Variants in RPRD1A observed in about 807,000 individuals in gnomAD.
The protein encoded by RPRD1A is regulation of nuclear pre-mRNA domain containing 1A.
In RPRD1A, 9 loss-of-function variants were observed where a neutral mutation model predicts 37.8. That is an observed-to-expected ratio of 0.24 (90% CI 0.14 to 0.42). The LOEUF (loss-of-function observed/expected upper bound fraction) is 0.42, where lower values mean the gene tolerates loss of function less well. Among genes scored for constraint, RPRD1A ranks in the 10% least tolerant of loss-of-function variants. RPRD1A has a pLI of 1.00. For synonymous variants in RPRD1A, 138 were observed against 139.7 expected, an observed-to-expected ratio of 0.99 and a Z score of 0.08; for missense variants, 255 against 371.0, an observed-to-expected ratio of 0.69 and a Z score of 2.57.
In RPRD1A at chr18:36,058,582, C is replaced by T. The variant is rs373194678; in HGVS notation, c.151+8672G>A. ...AACCTAAATAAAATTACGTTACGGG[C>T]CAAAGGGAAATTTTATAAATTCAGT... On this transcript the variant is annotated intron_variant, in intron 1 of 6. Transcript: ENST00000399022. 3.3e-5 allele frequency among the ~76,000 whole-genome samples: 5 copies of T among 152,000 alleles called. No homozygotes were observed. The East Asian group carries it at 9.7e-4, about 29-fold the overall frequency.
At chr18:36,025,787 C>A in intron 6 of RPRD1A, 1 of 390,626 alleles carries the variant, frequency 2.6e-6, no homozygotes, top group Non-Finnish European at 4.3e-6. Context: ...ACAATTAACA[C>A]TATGTTTAAA....
At chr18:36,048,922 ATTCAG>A (rs2144368192) in intron 1 of RPRD1A, among the ~76,000 whole-genome samples, 1 of 152,238 alleles carries the variant, frequency 6.6e-6, no homozygotes, top group South Asian at 2.1e-4. Flanking sequence ...TAATAAGTGC[ATTCAG>A]CAAGAGCTGA....
At chr18:36,028,831 T>C (rs529435614) in intron 4 of RPRD1A, among the ~76,000 whole-genome samples, 1 of 152,260 alleles carries the variant, frequency 6.6e-6, no homozygotes, top group Admixed American at 6.5e-5. Flanking sequence ...AAACGATCAT[T>C]ATAAAACAAA....
chr18:36,029,242 T>A (rs1016525964), intron 4 of RPRD1A, among the ~76,000 whole-genome samples: 14 of 152,166 alleles, frequency 9.2e-5, no homozygotes, highest in African/African-American at 3.4e-4. Flanking sequence ...AAATCCACAG[T>A]TACAGGTAGT....
At chr18:36,064,291 T>G (rs1000451826) in intron 1 of RPRD1A, 1 of 152,446 alleles carries the variant, frequency 6.6e-6, no homozygotes, top group Non-Finnish European at 1.5e-5. Flanking sequence ...CGGTTCCGGG[T>G]GGGTGCCTGC....
intron 6 of RPRD1A, among the ~76,000 whole-genome samples, chr18:36,013,834 A>T (rs1357248076): frequency 6.6e-6 from 1 of 152,244 alleles, no homozygotes; most frequent in African/African-American, 2.4e-5. Flanking sequence ...ATAATGAAAC[A>T]GTAAAACGTT....
chr18:36,008,773 C>T (rs1466718516), intron 6 of RPRD1A, among the ~76,000 whole-genome samples: 1 of 151,648 alleles, frequency 6.6e-6, no homozygotes, highest in Non-Finnish European at 1.5e-5. Flanking sequence ...GTTTAAACCA[C>T]ATCAGCACAA....
At chr18:36,034,237 T>C (rs1203323331) in intron 1 of RPRD1A, among the ~76,000 whole-genome samples, 1 of 152,212 alleles carries the variant, frequency 6.6e-6, no homozygotes, top group Non-Finnish European at 1.5e-5. Context: ...CAGAAGAGCA[T>C]GAAATGTAAA....
intron 2 of RPRD1A, 29 bp downstream of exon 2, chr18:36,033,679 T>TAG: frequency 6.3e-7 from 1 of 1,577,672 alleles, no homozygotes; most frequent in East Asian, 2.2e-5. Context: ...TTAAAACAGA[T>TAG]TACCTAATAC....
At chr18:36,051,758 A>G (rs1913413891) in intron 1 of RPRD1A, among the ~76,000 whole-genome samples, 1 of 152,220 alleles carries the variant, frequency 6.6e-6, no homozygotes, top group Non-Finnish European at 1.5e-5. Flanking sequence ...AAAAGCAGGG[A>G]AAATTACTGA....
At chr18:36,004,737 T>TA (rs1380640107) in intron 6 of RPRD1A, among the ~76,000 whole-genome samples, 2 of 152,210 alleles carry the variant, frequency 1.3e-5, no homozygotes, top group East Asian at 3.9e-4. Flanking sequence ...ACCCTGTCTC[T>TA]ACTAAAAATA....
intron 6 of RPRD1A, among the ~76,000 whole-genome samples, chr18:36,005,812 G>A (rs1182163894): frequency 6.6e-6 from 1 of 152,086 alleles, no homozygotes; most frequent in Non-Finnish European, 1.5e-5. Context: ...ATCCAAGCAG[G>A]AATTAACTTT....
At chr18:36,033,572 G>T in intron 2 of RPRD1A, 136 bp downstream of exon 2, 1 of 626,416 alleles carries the variant, frequency 1.6e-6, no homozygotes, top group Non-Finnish European at 2.5e-6. Context: ...GCCATGTAGA[G>T]GGAAGTCTTT....
chr18:36,000,343 T>A (rs1052130286), intron 6 of RPRD1A, among the ~76,000 whole-genome samples: 1 of 152,232 alleles, frequency 6.6e-6, no homozygotes, highest in East Asian at 1.9e-4. Flanking sequence ...CCCCCTTGAC[T>A]GCAGAAGTTT....
At chr18:36,056,116 A>G (rs559830441) in intron 1 of RPRD1A, among the ~76,000 whole-genome samples, 1 of 152,210 alleles carries the variant, frequency 6.6e-6, no homozygotes, top group East Asian at 1.9e-4. Context: ...CATCAACAGA[A>G]TAACAATTAT....
At chr18:36,020,974 TTAAG>T (rs1360730546) in intron 6 of RPRD1A, among the ~76,000 whole-genome samples, 1 of 152,238 alleles carries the variant, frequency 6.6e-6, no homozygotes, top group East Asian at 1.9e-4. Flanking sequence ...AGTCTTTTGC[TTAAG>T]TAACTTTTTC....
chr18:36,004,253 A>C (rs1909602355), intron 6 of RPRD1A, among the ~76,000 whole-genome samples: 1 of 151,670 alleles, frequency 6.6e-6, no homozygotes, highest in Non-Finnish European at 1.5e-5. Flanking sequence ...ACAGACTTCC[A>C]ATCTTATTTT....
At chr18:36,026,351 T>G (rs1464577607) in intron 6 of RPRD1A, 1 of 152,396 alleles carries the variant, frequency 6.6e-6, no homozygotes, top group Non-Finnish European at 1.5e-5. Flanking sequence ...GAGCATTTTT[T>G]AAAATCACCT....
intron 6 of RPRD1A, among the ~76,000 whole-genome samples, chr18:35,996,045 G>A (rs146240501): frequency 9.5e-4 from 145 of 152,236 alleles, no homozygotes; most frequent in African/African-American, 3.3e-3. Flanking sequence ...ATTCTGGATG[G>A]GATCCTGGAA....
Sources: gnomAD v4.1 joint callset for allele counts (sites outside exome capture counted in the v4.1 genomes callset) on GRCh38, gnomAD v4.1.1 for gene constraint, MANE v1.5 for transcripts, NCBI Gene and HGNC (gene_info 2026-07-23, HGNC 2026-07-21) for gene names.